DHRS3: variants seen among roughly 807,000 people sequenced by gnomAD.
DHRS3 encodes short-chain dehydrogenase/reductase 3.
DHRS3 carries 14 observed loss-of-function variants against 27.2 expected under a neutral mutation model. The ratio of observed to expected loss-of-function variants is 0.52; its 90% CI spans 0.34 to 0.81. The LOEUF (loss-of-function observed/expected upper bound fraction) is 0.81, where lower values mean the gene tolerates loss of function less well. DHRS3 is among the 30% of genes least tolerant of loss of function. The pLI is 0.01. For missense variants in DHRS3, 322 were observed against 406.2 expected, an observed-to-expected ratio of 0.79 and a Z score of 1.78; for synonymous variants, 165 against 175.9, an observed-to-expected ratio of 0.94 and a Z score of 0.49.
rs1320616259 is a variant in DHRS3 at position 12,572,987 on chromosome 1, C to G, written c.699-134G>C. The G allele has an allele frequency of 4.4e-6, 5 of 1,131,154 alleles. No homozygotes were observed. In the African/African-American group the frequency reaches 7.9e-5, roughly 18 times the overall value. The allele number at this position is 1,131,154 out of a possible 1,614,324, so 70.1% of individuals were successfully genotyped here. A position where few individuals can be genotyped will look rare whatever the true frequency, so the allele number is the denominator to read the frequency against. On this transcript the variant is annotated intron_variant, in intron 4 of 5. Transcript: ENST00000616661. ...AGAGATTCGAGGCCTGCTTGGAATA[C>G]TCCCTCTACCCCACACCCATCCAGG...
At chr1:12,587,993 A>G (rs74055570) in intron 1 of DHRS3, among the ~76,000 whole-genome samples, 4,040 of 152,334 alleles carry the variant, frequency 0.027, 184 homozygotes, top group African/African-American at 0.091. Flanking sequence ...CCACTCACTC[A>G]TTACACAGTG....
intron 1 of DHRS3, among the ~76,000 whole-genome samples, chr1:12,616,946 G>A (rs1303007595): frequency 2.0e-5 from 3 of 152,222 alleles, no homozygotes; most frequent in Non-Finnish European, 4.4e-5. Flanking sequence ...CCAAAGGAGC[G>A]GATCAACTCT....
chr1:12,610,312 G>T (rs1448074438), intron 1 of DHRS3, among the ~76,000 whole-genome samples: 1 of 149,858 alleles, frequency 6.7e-6, no homozygotes, highest in Non-Finnish European at 1.5e-5. Flanking sequence ...AGCTGGTCTT[G>T]AACTCCTGAC....
chr1:12,614,824 A>G (rs1237813649), intron 1 of DHRS3, among the ~76,000 whole-genome samples: 1 of 151,090 alleles, frequency 6.6e-6, no homozygotes, highest in African/African-American at 2.4e-5. Context: ...AAGCTCTCAG[A>G]TGCAGCCTCC....
intron 5 of DHRS3, among the ~76,000 whole-genome samples, chr1:12,569,245 A>T (rs1646514129): frequency 1.3e-5 from 2 of 151,256 alleles, no homozygotes; most frequent in Admixed American, 1.3e-4. Context: ...ACACACACAC[A>T]CACACACACA....
rs1241014178 is a variant in DHRS3 at position 12,593,630 on chromosome 1, A to T, written c.196-12964T>A. Among the ~76,000 whole-genome samples, 1 of 152,070 alleles carries T rather than the reference A, an allele frequency of 6.6e-6. No homozygotes were observed. The highest frequency in any genetic ancestry group is 1.5e-5 in the Non-Finnish European group (1 of 68,028). ...ACCCTTCTTTGATTTCCTCCTTCCC[A>T]GTTGCTGAGACAGGCATGTCTCCCC... On this transcript the variant is annotated intron_variant, in intron 1 of 5. Transcript: ENST00000616661. This position sits in a 1 kb window ranked among gnomAD's most constrained non-coding sequence, Gnocchi z 4.6.
rs1186361753 is a variant in DHRS3 at position 12,568,793 on chromosome 1, G to A, written c.825-369C>T. On this transcript the variant is annotated intron_variant, in intron 5 of 5. Coordinates refer to ENST00000616661, the MANE Select transcript of DHRS3 (RefSeq NM_004753.7). ...TATACAAAAATTAGCTGGGCATGGT[G>A]GCATGTGCCTATAGTCCTAGCTACT... 1.4e-4 allele frequency among the ~76,000 whole-genome samples: 21 copies of A among 152,212 alleles called. 1 individual carries two copies. The highest frequency in any genetic ancestry group is 1.2e-4 in the Non-Finnish European group (8 of 68,046).
At chr1:12,603,668 C>T (rs1194776893) in intron 1 of DHRS3, among the ~76,000 whole-genome samples, 1 of 152,106 alleles carries the variant, frequency 6.6e-6, no homozygotes, top group African/African-American at 2.4e-5. Flanking sequence ...GACAGGAGAC[C>T]GTGTTCCCTA....
At chr1:12,615,832 AAGGGTTAAAAACGCTTCCCAACTCCC>A (rs1646940736) in intron 1 of DHRS3, among the ~76,000 whole-genome samples, 1 of 152,192 alleles carries the variant, frequency 6.6e-6, no homozygotes, top group Non-Finnish European at 1.5e-5. Flanking sequence ...CGTTGTGTCC[AAGGGTTAAAAACGCTTCCCAACTCCC>A]CCTCCAAATG....
Position 12,594,546 on chromosome 1 carries a change from A to G in DHRS3, c.196-13880T>C, listed in dbSNP as rs74055578. Among the ~76,000 whole-genome samples, 61 of 152,276 alleles carry G rather than the reference A, an allele frequency of 4.0e-4. No homozygotes were observed. Among genetic ancestry groups the G allele is most frequent in the African/African-American group, 1.4e-3 (60 of 41,554 alleles). On this transcript the variant is annotated intron_variant, in intron 1 of 5. Transcript: ENST00000616661. The surrounding 1 kb of genome is among the most constrained non-coding windows in gnomAD (Gnocchi z 4.1). ...TGATTATGGGGTGGGAGTGGTATTCAGATGGTGGGGGAAAGGTGCAGGGAA... is the reference window on the plus strand; with the variant it reads ...TGATTATGGGGTGGGAGTGGTATTCGGATGGTGGGGGAAAGGTGCAGGGAA...
rs749634408 is a variant in DHRS3 at position 12,617,392 on chromosome 1, C to A, written c.-44G>T. On this transcript the variant is annotated 5_prime_UTR_variant, in exon 1 of 6. Coordinates refer to ENST00000616661, the MANE Select transcript of DHRS3 (RefSeq NM_004753.7). ...GGGCAGGGGGCGAAACTCCCCGGGC[C>A]GAGCAATACAGGAATTAAAAAACAC... 6.4e-7 allele frequency: 1 copy of A among 1,570,588 alleles called. No homozygotes were observed. The highest frequency in any genetic ancestry group is 1.2e-5 in the South Asian group (1 of 86,716).
chr1:12,599,687 T>C (rs1287506251), intron 1 of DHRS3, among the ~76,000 whole-genome samples: 1 of 152,260 alleles, frequency 6.6e-6, no homozygotes, highest in Non-Finnish European at 1.5e-5. Flanking sequence ...AGCTCTGCTC[T>C]TTCCCTCTGC....
At chr1:12,601,694 C>T (rs886346311) in intron 1 of DHRS3, among the ~76,000 whole-genome samples, 2 of 152,174 alleles carry the variant, frequency 1.3e-5, no homozygotes, top group Non-Finnish European at 2.9e-5. Flanking sequence ...TTCCGTGAAA[C>T]TATCAACCAA....
At chr1:12,595,717 T>TG (rs1235244538) in intron 1 of DHRS3, among the ~76,000 whole-genome samples, 1 of 78,012 alleles carries the variant, frequency 1.3e-5, no homozygotes, top group African/African-American at 5.3e-5. Context: ...AGGGTGCAGA[T>TG]GGGGGGCGAT....
chr1:12,585,385 CTGTG>C (rs1646688463), intron 1 of DHRS3, among the ~76,000 whole-genome samples: 1 of 67,164 alleles, frequency 1.5e-5, no homozygotes, highest in African/African-American at 3.7e-5. Context: ...GAGTGTGTGT[CTGTG>C]TGTGACTGTG....
At chr1:12,595,420 T>G in intron 1 of DHRS3, among the ~76,000 whole-genome samples, 1 of 127,356 alleles carries the variant, frequency 7.9e-6, no homozygotes, top group Non-Finnish European at 1.7e-5. Context: ...GCCGCGGGGG[T>G]CCCGGGAGGG....
chr1:12,587,846 C>A (rs1177513891), intron 1 of DHRS3, among the ~76,000 whole-genome samples: 1 of 152,226 alleles, frequency 6.6e-6, no homozygotes, highest in Non-Finnish European at 1.5e-5. Flanking sequence ...TTGGGTCCAA[C>A]CCCTTGTCCC....
chr1:12,582,730 G>A (rs1176232681), intron 1 of DHRS3, among the ~76,000 whole-genome samples: 1 of 151,916 alleles, frequency 6.6e-6, no homozygotes, highest in African/African-American at 2.4e-5. Context: ...ATCATCCTGT[G>A]TATACAGCCA....
intron 5 of DHRS3, among the ~76,000 whole-genome samples, chr1:12,569,158 G>A (rs1570347961): frequency 6.6e-6 from 1 of 151,358 alleles, no homozygotes; most frequent in Non-Finnish European, 1.5e-5. Context: ...CGGAGGTTTC[G>A]GTGGGCCGAG....
Sources: gnomAD v4.1 joint callset for allele counts (sites outside exome capture counted in the v4.1 genomes callset) on GRCh38, gnomAD v4.1.1 for gene constraint, Gnocchi (gnomAD v3.1) non-coding constraint, MANE v1.5 for transcripts, NCBI Gene and HGNC (gene_info 2026-07-23, HGNC 2026-07-21) for gene names.